BRINP1: variants seen among roughly 807,000 people sequenced by gnomAD.
The protein encoded by BRINP1 is BMP/retinoic acid-inducible neural-specific protein 1.
Under a neutral mutation model 72.9 loss-of-function variants are expected in BRINP1, and 17 were observed. The observed-to-expected ratio is 0.23, with a 90% CI of 0.16 to 0.35. The LOEUF (loss-of-function observed/expected upper bound fraction) is 0.35. BRINP1 is among the 10% of genes least tolerant of loss of function. The pLI is 1.00. For synonymous variants in BRINP1, 418 were observed against 378.5 expected (o/e 1.10, Z -1.21); for missense variants, 850 against 1,001.6 (o/e 0.85, Z 2.04).
At chr9:119,356,991 T>C (rs772289470) in intron 1 of BRINP1, among the ~76,000 whole-genome samples, 4 of 152,232 alleles carry the variant, frequency 2.6e-5, no homozygotes, top group Non-Finnish European at 5.9e-5. Context: ...GCTATTTTCA[T>C]TTATTTGATT....
chr9:119,346,149 A>G (rs1831449497), intron 1 of BRINP1, among the ~76,000 whole-genome samples: 1 of 152,152 alleles, frequency 6.6e-6, no homozygotes, highest in Non-Finnish European at 1.5e-5. Flanking sequence ...AAGGTACTCT[A>G]TGTTTTTGAT....
chr9:119,167,695 T>C lies in BRINP1; in HGVS notation c.1675A>G (p.Met559Val), dbSNP rs1454507930. The C allele has an allele frequency of 2.5e-6, 4 of 1,613,862 alleles. No homozygotes were observed. Among genetic ancestry groups the C allele is most frequent in the Non-Finnish European group, 3.4e-6 (4 of 1,180,002 alleles). The change falls in exon 8 of 8, where the codon ATG (methionine) becomes GTG (valine). Residue 559 changes from methionine to valine, a missense_variant. By Grantham distance (21) the Met-to-Val change is conservative (BLOSUM62 1). Transcript: ENST00000265922. This position sits in a 1 kb window ranked among gnomAD's most constrained non-coding sequence, Gnocchi z 4.3. ...AAGGGGTTGACATAGACAAAGAACATGGGGTCCAGGCTGCTGTTGCGCATC... is the reference window on the plus strand; with the variant it reads ...AAGGGGTTGACATAGACAAAGAACACGGGGTCCAGGCTGCTGTTGCGCATC... ...CQMRNSSLDPMFFVYVNPFSG... is the reference protein window; with the variant it reads ...CQMRNSSLDPVFFVYVNPFSG...
intron 2 of BRINP1, among the ~76,000 whole-genome samples, chr9:119,261,863 C>A (rs913117343): frequency 6.6e-6 from 1 of 150,618 alleles, no homozygotes; most frequent in Admixed American, 6.6e-5. Context: ...CTTTTCCTCG[C>A]CTCTCTTTCC....
chr9:119,345,009 A>T (rs2119027036), intron 1 of BRINP1, among the ~76,000 whole-genome samples: 1 of 152,356 alleles, frequency 6.6e-6, no homozygotes, highest in South Asian at 2.1e-4. Context: ...TCTGAAAATC[A>T]GCAAGAATGC....
rs896232786 is a variant in BRINP1 at position 119,327,910 on chromosome 9, G to GA, written c.-50-14506dup. Among the ~76,000 whole-genome samples, 661 of 147,322 alleles carry GA rather than the reference G, an allele frequency of 4.5e-3. 5 individuals are homozygous for GA. Among genetic ancestry groups the GA allele is most frequent in the African/African-American group, 0.015 (613 of 40,298 alleles). ...CTAGTAGGCTACAGAATCCTTGAGA[G>GA]AAAAAAAAAAGAAGAAGAAAGGCCA... On this transcript the variant is annotated intron_variant, in intron 1 of 7. Transcript: ENST00000265922.
At chr9:119,232,082 G>A (rs949406228) in intron 5 of BRINP1, among the ~76,000 whole-genome samples, 2 of 152,126 alleles carry the variant, frequency 1.3e-5, no homozygotes, top group African/African-American at 4.8e-5. Context: ...ATCAAAACTG[G>A]TCCTTACCAG....
intron 2 of BRINP1, among the ~76,000 whole-genome samples, chr9:119,252,900 G>A (rs908433522): frequency 1.1e-4 from 16 of 152,246 alleles, no homozygotes; most frequent in African/African-American, 2.6e-4. Context: ...GTTCACCAGC[G>A]ATAGACCAGG....
At chr9:119,169,655 T>C (rs969166257) in intron 7 of BRINP1, among the ~76,000 whole-genome samples, 3 of 152,234 alleles carry the variant, frequency 2.0e-5, no homozygotes, top group Admixed American at 6.5e-5. Context: ...TGCCTGCCTC[T>C]GTAGGCTCCA....
At chr9:119,188,921 T>A (rs1051980883) in intron 7 of BRINP1, among the ~76,000 whole-genome samples, 14 of 152,170 alleles carry the variant, frequency 9.2e-5, no homozygotes, top group Admixed American at 5.9e-4. Context: ...AATAGTGATA[T>A]ATAAATCTAT....
chr9:119,313,308 G>A lies in BRINP1; in HGVS notation c.48C>T (p.Gly16=). 2 of 1,614,068 alleles carry A rather than the reference G, an allele frequency of 1.2e-6. No individual in the cohort carries two copies. Among genetic ancestry groups the A allele is most frequent in the Non-Finnish European group, 1.7e-6 (2 of 1,180,002 alleles). The change falls in exon 2 of 8, where the codon GGC becomes GGT. Residue 16 remains glycine (G), a synonymous_variant. Transcript: ENST00000265922. ...GGTGGGAGGGCTGCACTGAGATACG[G>A]CCCCATATAAACAGGAAGTAGAGGA... ...VELLYFLFIW[G]RISVQPSHQE...
intron 2 of BRINP1, among the ~76,000 whole-genome samples, chr9:119,279,044 A>C (rs953367498): frequency 1.3e-5 from 2 of 152,178 alleles, no homozygotes; most frequent in Non-Finnish European, 2.9e-5. Context: ...CAGAGATGAG[A>C]TCTACACTGA....
intron 7 of BRINP1, among the ~76,000 whole-genome samples, chr9:119,169,837 A>C: frequency 6.6e-6 from 1 of 152,194 alleles, no homozygotes; most frequent in Non-Finnish European, 1.5e-5. Flanking sequence ...ACCCCTGAGC[A>C]GCCTAACTGG....
intron 7 of BRINP1, among the ~76,000 whole-genome samples, chr9:119,198,671 AAT>A (rs1491389959): frequency 5.9e-5 from 4 of 67,904 alleles, no homozygotes; most frequent in Non-Finnish European, 1.2e-4. Context: ...TGAAAATATT[AAT>A]TTTTTTTTTT....
At chr9:119,361,608 A>G (rs1831631155) in intron 1 of BRINP1, among the ~76,000 whole-genome samples, 1 of 151,314 alleles carries the variant, frequency 6.6e-6, no homozygotes, top group South Asian at 2.1e-4. Context: ...CATGCAACAT[A>G]TTCTTCTTCT....
Position 119,357,619 on chromosome 9 carries a change from A to G in BRINP1, c.-51+11437T>C, listed in dbSNP as rs144922539. ...CAGCCAGAAAGCACTAGAAGAGTGGAAGATATTCATGATGCTGACAGATAA... is the reference window on the plus strand; with the variant it reads ...CAGCCAGAAAGCACTAGAAGAGTGGGAGATATTCATGATGCTGACAGATAA... On this transcript the variant is annotated intron_variant, in intron 1 of 7. Transcript: ENST00000265922. 6.5e-4 allele frequency among the ~76,000 whole-genome samples: 99 copies of G among 152,346 alleles called. No homozygotes were observed. In the East Asian group the frequency reaches 6.9e-3, roughly 11 times the overall value.
intron 7 of BRINP1, among the ~76,000 whole-genome samples, chr9:119,191,248 A>G (rs761977153): frequency 2.0e-5 from 3 of 151,986 alleles, no homozygotes; most frequent in Non-Finnish European, 4.4e-5. Context: ...CACTCTTACC[A>G]CTTCTATTCA....
chr9:119,175,236 A>G (rs1829472124), intron 7 of BRINP1, among the ~76,000 whole-genome samples: 1 of 152,150 alleles, frequency 6.6e-6, no homozygotes, highest in Non-Finnish European at 1.5e-5. Context: ...ATTAAGCTGG[A>G]AACCATCACA....
At chr9:119,297,320 C>G (rs1291745614) in intron 2 of BRINP1, among the ~76,000 whole-genome samples, 3 of 152,160 alleles carry the variant, frequency 2.0e-5, no homozygotes, top group South Asian at 2.1e-4. Context: ...GAGGAGGACA[C>G]GGGCTCCTTG....
chr9:119,221,209 C>T (rs1447973257), intron 5 of BRINP1, among the ~76,000 whole-genome samples: 1 of 152,064 alleles, frequency 6.6e-6, no homozygotes, highest in East Asian at 1.9e-4. Flanking sequence ...TTGTCTTGTA[C>T]CACTAAGTTC....
Sources: allele counts gnomAD v4.1 joint callset (sites outside exome capture counted in the v4.1 genomes callset), GRCh38; gene constraint gnomAD v4.1.1; non-coding constraint Gnocchi (gnomAD v3.1); transcripts MANE v1.5; gene names NCBI Gene and HGNC (gene_info 2026-07-23, HGNC 2026-07-21).